Variants in AGO1 observed in about 807,000 individuals in gnomAD.
The protein encoded by AGO1 is argonaute RISC component 1.
Under a neutral mutation model 109.2 loss-of-function variants are expected in AGO1, and 11 were observed. The ratio of observed to expected loss-of-function variants is 0.10; its 90% CI spans 0.06 to 0.17. The LOEUF (loss-of-function observed/expected upper bound fraction) is 0.17. Ranked by LOEUF, AGO1 falls within the 10% of genes least tolerant of loss-of-function variation. The pLI is 1.00. For synonymous variants in AGO1, 422 were observed against 418.6 expected (o/e 1.01, Z -0.10); for missense variants, 574 against 1,140.3 (o/e 0.50, Z 7.15).
intron 7 of AGO1, 83 bp downstream of exon 7, chr1:35,894,485 C>T (rs1276582908): frequency 7.3e-7 from 1 of 1,365,754 alleles, no homozygotes; most frequent in Non-Finnish European, 1.0e-6. Context: ...CCTCCCTCCC[C>T]CACTGGCCTT....
At chr1:35,875,270 A>C (rs965688752) in intron 1 of AGO1, among the ~76,000 whole-genome samples, 4 of 152,196 alleles carry the variant, frequency 2.6e-5, no homozygotes, top group Non-Finnish European at 5.9e-5. Flanking sequence ...GTGACTTTAA[A>C]TTGAAACCAG....
chr1:35,918,262 C>A (rs1026023518), intron 16 of AGO1, 60 bp from the exon 17 acceptor site: 1 of 1,348,700 alleles, frequency 7.4e-7, no homozygotes, highest in Non-Finnish European at 1.1e-6. Context: ...AGAATTGAGC[C>A]AGGGTCCTGG....
Position 35,915,339 on chromosome 1 carries a change from G to A in AGO1, c.1834-9G>A. On this transcript the variant is annotated splice_polypyrimidine_tract_variant and intron_variant, in intron 14 of 18. Transcript: ENST00000373204. ...TTCTAGGAGCTAATCCTTTCTCTCT[G>A]ACTGTCAGGTGGTAGGCAGTATGGA... 1 of 1,609,094 alleles carries A rather than the reference G, an allele frequency of 6.2e-7. No individual in the cohort carries two copies. The highest frequency in any genetic ancestry group is 8.5e-7 in the Non-Finnish European group (1 of 1,175,762).
At chr1:35,894,247 G>A in intron 6 of AGO1, 68 bp from the exon 7 acceptor site, 6 of 1,601,996 alleles carry the variant, frequency 3.7e-6, no homozygotes, top group Non-Finnish European at 5.1e-6. Context: ...GGTATGCTCA[G>A]GGGAGAGACC....
At chr1:35,895,988 C>T (rs1020541311) in intron 8 of AGO1, among the ~76,000 whole-genome samples, 1 of 152,122 alleles carries the variant, frequency 6.6e-6, no homozygotes. Flanking sequence ...TCCACCCATA[C>T]CGACTGAATC....
chr1:35,902,193 C>T lies in AGO1; in HGVS notation c.1264-11C>T. On this transcript the variant is annotated splice_polypyrimidine_tract_variant and intron_variant, in intron 10 of 18. Coordinates refer to ENST00000373204, the MANE Select transcript of AGO1 (RefSeq NM_012199.5). ...GAGGCTCACCTAGGCGCCCCCTCTACCTATCCCCAGAACCGGGCCATTGCC... is the reference window on the plus strand; with the variant it reads ...GAGGCTCACCTAGGCGCCCCCTCTATCTATCCCCAGAACCGGGCCATTGCC... The T allele has an allele frequency of 6.2e-7, 1 of 1,611,990 alleles. No homozygotes were observed. Among genetic ancestry groups the T allele is most frequent in the Non-Finnish European group, 8.5e-7 (1 of 1,178,690 alleles).
In AGO1 at chr1:35,893,076, C is replaced by T; in HGVS notation, c.331-21C>T. The T allele has an allele frequency of 6.2e-7, 1 of 1,610,140 alleles. No homozygotes were observed. Among genetic ancestry groups the T allele is most frequent in the South Asian group, 1.1e-5 (1 of 90,600 alleles). ...GCAGAGCAATGGCAATCCTTCATCC[C>T]TTTCTTTCACCCTCCTGAAGGTCGA... On this transcript the variant is annotated intron_variant, in intron 3 of 18. Coordinates refer to ENST00000373204, the MANE Select transcript of AGO1 (RefSeq NM_012199.5). This position sits in a 1 kb window ranked among gnomAD's most constrained non-coding sequence, Gnocchi z 5.6.
chr1:35,913,183 C>G (rs1645670793), intron 12 of AGO1, among the ~76,000 whole-genome samples: 2 of 152,112 alleles, frequency 1.3e-5, no homozygotes, highest in Admixed American at 6.5e-5. Flanking sequence ...CCATGCCTGG[C>G]TAATTTTTTG....
intron 12 of AGO1, among the ~76,000 whole-genome samples, chr1:35,912,654 A>G (rs1645658532): frequency 6.6e-6 from 1 of 151,802 alleles, no homozygotes. Flanking sequence ...TCTCACTGTA[A>G]CCTCTGCCTC....
At chr1:35,871,233 CT>C (rs1281873085) in intron 1 of AGO1, among the ~76,000 whole-genome samples, 1 of 152,002 alleles carries the variant, frequency 6.6e-6, no homozygotes, top group Non-Finnish European at 1.5e-5. Context: ...TCATTGTGGT[CT>C]TTGTATTTTC....
At chr1:35,909,463 C>T (rs1254123527) in intron 12 of AGO1, among the ~76,000 whole-genome samples, 1 of 152,214 alleles carries the variant, frequency 6.6e-6, no homozygotes, top group Non-Finnish European at 1.5e-5. Flanking sequence ...CATTTCTTGT[C>T]TGTGGTTTTC....
intron 1 of AGO1, among the ~76,000 whole-genome samples, chr1:35,886,501 G>T (rs375411578): frequency 6.6e-6 from 1 of 152,076 alleles, no homozygotes; most frequent in East Asian, 1.9e-4. Context: ...GGAAGAGAAG[G>T]CTTTGAGGCT....
rs1164876514 is a variant in AGO1, at chr1:35,930,126, T to A, written c.*10519T>A. On this transcript the variant is annotated 3_prime_UTR_variant, in exon 19 of 19. Coordinates refer to ENST00000373204, the MANE Select transcript of AGO1 (RefSeq NM_012199.5). ...CAAATATTTATTAAGGACCTAATAT[T>A]TGCCTGACATTCAAGTGAGGTGGGG... The A allele has an allele frequency of 6.6e-6, 1 of 152,234 alleles. No homozygotes were observed. The highest frequency in any genetic ancestry group is 1.5e-5 in the Non-Finnish European group (1 of 68,046). 9.4% of individuals were successfully genotyped at this position (152,234 alleles called of 1,614,324 possible). A position where few individuals can be genotyped will look rare whatever the true frequency, so the allele number is the denominator to read the frequency against.
At chr1:35,909,193 T>G (rs1213448803) in intron 12 of AGO1, among the ~76,000 whole-genome samples, 2 of 152,222 alleles carry the variant, frequency 1.3e-5, no homozygotes, top group African/African-American at 4.8e-5. Context: ...TTGATTCCTA[T>G]TATTCACTGC....
At chr1:35,915,732 A>G (rs1261046521) in intron 15 of AGO1, among the ~76,000 whole-genome samples, 190 bp downstream of exon 15, 1 of 152,224 alleles carries the variant, frequency 6.6e-6, no homozygotes, top group Non-Finnish European at 1.5e-5. Flanking sequence ...TTTTCTTCTC[A>G]TAATAGAAGA....
rs1645066160 is a variant in AGO1, at chr1:35,883,554, C to T, written c.25+108C>T. ...AAGCGCTCCTGAGTGAGGAGAAGGG[C>T]TCTCCCACGATGGGGGCCCAGTTTG... On this transcript the variant is annotated intron_variant, in intron 1 of 18. Transcript: ENST00000373204. The surrounding 1 kb of genome is among the most constrained non-coding windows in gnomAD (Gnocchi z 5.4). 1 of 1,400,860 alleles carries T rather than the reference C, an allele frequency of 7.1e-7. No individual in the cohort carries two copies. The highest frequency in any genetic ancestry group is 1.5e-5 in the African/African-American group (1 of 66,702). The allele number at this position is 1,400,860 out of a possible 1,614,324, so 86.8% of individuals were successfully genotyped here.
chr1:35,888,542 C>T lies in AGO1; in HGVS notation c.141C>T (p.Ile47=), dbSNP rs1337673800. 1.2e-6 allele frequency: 2 copies of T among 1,614,088 alleles called. No individual in the cohort carries two copies. Among genetic ancestry groups the T allele is most frequent in the East Asian group, 2.2e-5 (1 of 44,902 alleles). The change falls in exon 2 of 19, where the codon ATC becomes ATT. Residue 47 remains isoleucine (I), a synonymous_variant. Transcript: ENST00000373204. This position sits in a 1 kb window ranked among gnomAD's most constrained non-coding sequence, Gnocchi z 4.1. The part of the protein sequence containing the change: ...KLLANYFEVD[I]PKIDVYHYEV... ...TGGCCAATTACTTTGAGGTGGACAT[C>T]CCTAAGATCGACGTGTACCACTACG...
rs1231469789 is a variant in AGO1, at chr1:35,927,236, T to C, written c.*7629T>C. Reference sequence around the variant, plus strand: ...TACATGCGAAATAGTTTATCAGTTATCTTCAATTGCATATTACAAAATTCT... The same window carrying C: ...TACATGCGAAATAGTTTATCAGTTACCTTCAATTGCATATTACAAAATTCT... On this transcript the variant is annotated 3_prime_UTR_variant, in exon 19 of 19. Transcript: ENST00000373204. 2.0e-5 allele frequency: 3 copies of C among 152,210 alleles called. No homozygotes were observed. Among genetic ancestry groups the C allele is most frequent in the South Asian group, 4.1e-4 (2 of 4,834 alleles). 9.4% of individuals were successfully genotyped at this position (152,210 alleles called of 1,614,324 possible).
At chr1:35,875,729 A>G (rs900229922) in intron 1 of AGO1, among the ~76,000 whole-genome samples, 2 of 152,114 alleles carry the variant, frequency 1.3e-5, no homozygotes, top group African/African-American at 4.8e-5. Flanking sequence ...TAAATATTTT[A>G]AGTCCACTCT....
Sources: allele counts gnomAD v4.1 joint callset (sites outside exome capture counted in the v4.1 genomes callset), GRCh38; gene constraint gnomAD v4.1.1; non-coding constraint Gnocchi (gnomAD v3.1); transcripts MANE v1.5; gene names NCBI Gene and HGNC (gene_info 2026-07-23, HGNC 2026-07-21).